Variants in ZBTB20 observed in about 807,000 individuals in gnomAD.
ZBTB20 encodes zinc finger and BTB domain containing 20.
Under a neutral mutation model 56.9 loss-of-function variants are expected in ZBTB20, and 9 were observed. That is an observed-to-expected ratio of 0.16 (90% CI 0.10 to 0.28). The LOEUF (loss-of-function observed/expected upper bound fraction) is 0.28. Among genes scored for constraint, ZBTB20 ranks in the 10% least tolerant of loss-of-function variants. ZBTB20 has a pLI of 1.00. For synonymous variants in ZBTB20, 417 were observed against 420.7 expected, an observed-to-expected ratio of 0.99 and a Z score of 0.11; for missense variants, 655 against 1,003.0, an observed-to-expected ratio of 0.65 and a Z score of 4.69.
intron 6 of ZBTB20, among the ~76,000 whole-genome samples, chr3:114,504,639 T>C (rs2044388572): frequency 6.6e-6 from 1 of 152,196 alleles, no homozygotes; most frequent in Middle Eastern, 3.2e-3. Flanking sequence ...TATATATTTT[T>C]TGGGTGAAAC....
intron 2 of ZBTB20, among the ~76,000 whole-genome samples, chr3:115,029,647 A>C (rs1049276345): frequency 6.6e-6 from 1 of 150,638 alleles, no homozygotes; most frequent in African/African-American, 2.4e-5. Flanking sequence ...AAAAACATAG[A>C]TTTTTTTTCA....
intron 6 of ZBTB20, among the ~76,000 whole-genome samples, chr3:114,639,040 A>G (rs2059422373): frequency 6.6e-6 from 1 of 152,094 alleles, no homozygotes; most frequent in African/African-American, 2.4e-5. Flanking sequence ...CCCCAATGCT[A>G]CAGGCTCCTT....
At chr3:115,042,284 G>T (rs1451378061) in intron 2 of ZBTB20, among the ~76,000 whole-genome samples, 2 of 152,120 alleles carry the variant, frequency 1.3e-5, no homozygotes, top group Non-Finnish European at 2.9e-5. Flanking sequence ...TGCCATCAGG[G>T]AAGAAAAATG....
chr3:114,710,536 C>T (rs1352180228), intron 5 of ZBTB20, among the ~76,000 whole-genome samples: 3 of 152,192 alleles, frequency 2.0e-5, no homozygotes, highest in Non-Finnish European at 4.4e-5. Context: ...TGGGATATTG[C>T]CATTTATCCA....
At chr3:114,634,600 T>C (rs919291056) in intron 6 of ZBTB20, among the ~76,000 whole-genome samples, 1 of 152,158 alleles carries the variant, frequency 6.6e-6, no homozygotes, top group African/African-American at 2.4e-5. Context: ...CCAAAATACC[T>C]TGCAAATATA....
chr3:115,043,428 G>A (rs1416312426), intron 2 of ZBTB20, among the ~76,000 whole-genome samples: 1 of 150,938 alleles, frequency 6.6e-6, no homozygotes, highest in East Asian at 1.9e-4. Context: ...AATTAGCCAG[G>A]TGTGGTGGCA....
intron 7 of ZBTB20, among the ~76,000 whole-genome samples, chr3:114,476,403 A>C (rs1291607859): frequency 2.0e-5 from 3 of 152,242 alleles, no homozygotes; most frequent in Non-Finnish European, 4.4e-5. Context: ...AAGCATATTT[A>C]TGTCTTAATT....
intron 6 of ZBTB20, among the ~76,000 whole-genome samples, chr3:114,608,488 T>C (rs1218404058): frequency 6.6e-6 from 1 of 152,178 alleles, no homozygotes; most frequent in Non-Finnish European, 1.5e-5. Flanking sequence ...GAAACACTGT[T>C]CTGGAGAAAA....
At position 114,327,032 on chromosome 3, in the gene ZBTB20, G is replaced by A. The variant is rs1184563875; in HGVS notation, c.*11973C>T. On this transcript the variant is annotated 3_prime_UTR_variant, in exon 12 of 12. Coordinates refer to ENST00000675478, the MANE Select transcript of ZBTB20 (RefSeq NM_001348800.3). ...GAAAAAAAAATCTTCCTATCCTCAC[G>A]AATATATACTATAGTGTTTCTGTCT... is the stretch of plus-strand genomic sequence containing the variant. 1 of 152,078 alleles carries A rather than the reference G, an allele frequency of 6.6e-6. No homozygotes were observed. Among genetic ancestry groups the A allele is most frequent in the Non-Finnish European group, 1.5e-5 (1 of 68,008 alleles). 9.4% of individuals were successfully genotyped at this position (152,078 alleles called of 1,614,324 possible).
At chr3:114,929,061 C>T (rs902007163) in intron 3 of ZBTB20, among the ~76,000 whole-genome samples, 1 of 152,154 alleles carries the variant, frequency 6.6e-6, no homozygotes, top group African/African-American at 2.4e-5. Flanking sequence ...TACTAAAAGG[C>T]ATATATACAT....
Position 114,332,262 on chromosome 3 carries a change from A to G in ZBTB20, c.*6743T>C, listed in dbSNP as rs2079288283. ...ATTATGCTCTTGCACCGGAGACTTGAAAGTTATGAGTTTGCATTCAAACAA... is the reference window on the plus strand; with the variant it reads ...ATTATGCTCTTGCACCGGAGACTTGGAAGTTATGAGTTTGCATTCAAACAA... On this transcript the variant is annotated 3_prime_UTR_variant, in exon 12 of 12. Coordinates refer to ENST00000675478, the MANE Select transcript of ZBTB20 (RefSeq NM_001348800.3). The G allele has an allele frequency of 6.6e-6, 1 of 152,098 alleles. No individual in the cohort carries two copies. The highest frequency in any genetic ancestry group is 2.4e-5 in the African/African-American group (1 of 41,410). The allele number at this position is 152,098 out of a possible 1,614,324, so 9.4% of individuals were successfully genotyped here. A position where few individuals can be genotyped will look rare whatever the true frequency, so the allele number is the denominator to read the frequency against.
intron 1 of ZBTB20, among the ~76,000 whole-genome samples, chr3:115,120,380 G>T (rs1223202279): frequency 6.6e-6 from 1 of 151,956 alleles, no homozygotes; most frequent in Non-Finnish European, 1.5e-5. Context: ...TCATGTAGTA[G>T]ATCTTGTATA....
chr3:114,753,154 A>T (rs2067693432), intron 5 of ZBTB20, among the ~76,000 whole-genome samples: 1 of 151,498 alleles, frequency 6.6e-6, no homozygotes, highest in Admixed American at 6.6e-5. Context: ...TTATGAAATA[A>T]TATGAGGATA....
At chr3:114,637,328 G>T (rs1196453091) in intron 6 of ZBTB20, among the ~76,000 whole-genome samples, 1 of 152,004 alleles carries the variant, frequency 6.6e-6, no homozygotes, top group African/African-American at 2.4e-5. Context: ...ACAGCAGTAG[G>T]CTTTATGCCT....
intron 5 of ZBTB20, among the ~76,000 whole-genome samples, chr3:114,748,352 T>TTTTCTCTCTCTCTCTCTC (rs1553807326): frequency 4.1e-5 from 2 of 48,578 alleles, no homozygotes; most frequent in Non-Finnish European, 9.3e-5. Context: ...TTTCTTTCTT[T>TTTTCTCTCTCTCTCTCTC]TCTCTCTCTC....
intron 7 of ZBTB20, among the ~76,000 whole-genome samples, chr3:114,418,732 G>A (rs915014844): frequency 1.3e-5 from 2 of 152,006 alleles, no homozygotes; most frequent in African/African-American, 2.4e-5. Flanking sequence ...TGCGTAGTCC[G>A]TCTGTGAATT....
At chr3:114,717,184 G>T (rs1209467204) in intron 5 of ZBTB20, among the ~76,000 whole-genome samples, 1 of 151,994 alleles carries the variant, frequency 6.6e-6, no homozygotes, top group Non-Finnish European at 1.5e-5. Context: ...TTCTTGTGAG[G>T]GCTAACTAAC....
intron 2 of ZBTB20, among the ~76,000 whole-genome samples, chr3:115,039,255 C>G (rs968249686): frequency 1.2e-4 from 18 of 152,046 alleles, no homozygotes; most frequent in Middle Eastern, 6.8e-3. Context: ...GGGTGAAAGA[C>G]TAGAATCATA....
intron 10 of ZBTB20, chr3:114,367,322 A>G (rs916360287): frequency 1.3e-5 from 2 of 152,254 alleles, no homozygotes; most frequent in Non-Finnish European, 2.9e-5. Flanking sequence ...GGTGGAATGC[A>G]GTGGGATGAT....
Sources: gnomAD v4.1 joint callset for allele counts (sites outside exome capture counted in the v4.1 genomes callset) on GRCh38, gnomAD v4.1.1 for gene constraint, MANE v1.5 for transcripts, NCBI Gene and HGNC (gene_info 2026-07-23, HGNC 2026-07-21) for gene names.